The following LRMDA variants were observed in gnomAD, a reference collection of about 807,000 sequenced individuals.
The protein encoded by LRMDA is leucine rich melanocyte differentiation associated.
Under a neutral mutation model 29.8 loss-of-function variants are expected in LRMDA, and 18 were observed. The ratio of observed to expected loss-of-function variants is 0.60; its 90% confidence interval spans 0.42 to 0.90. The LOEUF (loss-of-function observed/expected upper bound fraction) is 0.90, where lower values mean the gene tolerates loss of function less well. Among genes scored for constraint, LRMDA ranks in the 40% least tolerant of loss-of-function variants. The pLI is 0.00. For synonymous variants in LRMDA, 125 were observed against 109.4 expected, an observed-to-expected ratio of 1.14 and a Z score of -0.89; for missense variants, 273 against 273.9, an observed-to-expected ratio of 1.00 and a Z score of 0.02.
chr10:76,047,497 T>C (rs1848460763), intron 4 of LRMDA, among the ~76,000 whole-genome samples, 194 bp downstream of exon 4: 1 of 152,230 alleles, frequency 6.6e-6, no homozygotes, highest in Non-Finnish European at 1.5e-5. Flanking sequence ...CTAAGAAAGA[T>C]GAAAAGTTAT....
intron 6 of LRMDA, among the ~76,000 whole-genome samples, chr10:76,417,914 A>T (rs1842033735): frequency 2.6e-5 from 4 of 152,164 alleles, no homozygotes; most frequent in Admixed American, 2.6e-4. Flanking sequence ...ATCTGAAAAG[A>T]CCTGACATTC....
intron 6 of LRMDA, among the ~76,000 whole-genome samples, chr10:76,524,125 C>A (rs951048225): frequency 2.0e-5 from 3 of 152,126 alleles, no homozygotes; most frequent in African/African-American, 4.8e-5. Context: ...CAGAGGGAAC[C>A]GGGAGGTTTG....
intron 6 of LRMDA, among the ~76,000 whole-genome samples, chr10:76,451,887 C>A (rs1027736856): frequency 1.3e-5 from 2 of 151,700 alleles, no homozygotes; most frequent in Non-Finnish European, 2.9e-5. Context: ...GATCTCCCGA[C>A]CTCAGGTGAT....
chr10:76,449,032 T>G (rs1360201951), intron 6 of LRMDA, among the ~76,000 whole-genome samples: 1 of 151,976 alleles, frequency 6.6e-6, no homozygotes, highest in Non-Finnish European at 1.5e-5. Flanking sequence ...TTTATTAAAT[T>G]GAAGTTTGAG....
intron 6 of LRMDA, among the ~76,000 whole-genome samples, chr10:76,431,229 T>A (rs978867610): frequency 6.6e-6 from 1 of 152,164 alleles, no homozygotes; most frequent in Non-Finnish European, 1.5e-5. Context: ...AACTAGGTGC[T>A]TGGGGAGTGA....
intron 2 of LRMDA, among the ~76,000 whole-genome samples, chr10:75,589,978 CT>C (rs2132083132): frequency 6.7e-6 from 1 of 148,590 alleles, no homozygotes; most frequent in Non-Finnish European, 1.5e-5. Flanking sequence ...GCTTTATTTT[CT>C]GATTTGTCAT....
intron 2 of LRMDA, among the ~76,000 whole-genome samples, chr10:75,892,732 C>A (rs535087207): frequency 6.6e-6 from 1 of 152,180 alleles, no homozygotes; most frequent in Admixed American, 6.5e-5. Context: ...AGGCCTCAGA[C>A]AAATTCCATG....
At chr10:75,834,885 G>A (rs769248253) in intron 2 of LRMDA, among the ~76,000 whole-genome samples, 6 of 152,228 alleles carry the variant, frequency 3.9e-5, no homozygotes, top group Admixed American at 6.5e-5. Context: ...CTTCACCAGC[G>A]GAGTCATTCA....
chr10:76,167,911 G>C (rs1850769791), intron 5 of LRMDA, among the ~76,000 whole-genome samples: 1 of 152,020 alleles, frequency 6.6e-6, no homozygotes, highest in Non-Finnish European at 1.5e-5. Context: ...CCATTTGTTT[G>C]TGTCATTTCT....
chr10:75,939,029 C>T (rs1188239172), intron 2 of LRMDA, among the ~76,000 whole-genome samples: 1 of 152,178 alleles, frequency 6.6e-6, no homozygotes, highest in Non-Finnish European at 1.5e-5. Context: ...GGCATGAAAT[C>T]CCAGGGTGGC....
At chr10:75,730,750 T>A (rs775682393) in intron 2 of LRMDA, among the ~76,000 whole-genome samples, 2 of 152,240 alleles carry the variant, frequency 1.3e-5, no homozygotes, top group Non-Finnish European at 2.9e-5. Context: ...CAAACTTTCC[T>A]TTGGCACCTT....
At chr10:75,560,013 T>C (rs1393082785) in intron 2 of LRMDA, among the ~76,000 whole-genome samples, 5 of 151,068 alleles carry the variant, frequency 3.3e-5, no homozygotes, top group Admixed American at 6.7e-5. Context: ...CTTGGCGATG[T>C]GGGCTCTTTT....
intron 2 of LRMDA, among the ~76,000 whole-genome samples, chr10:75,752,589 A>G (rs1842982075): frequency 6.6e-6 from 1 of 152,222 alleles, no homozygotes; most frequent in African/African-American, 2.4e-5. Flanking sequence ...GTATGGTGAC[A>G]TCATGAAGGT....
At chr10:75,656,999 A>T (rs1841684394) in intron 2 of LRMDA, among the ~76,000 whole-genome samples, 2 of 152,198 alleles carry the variant, frequency 1.3e-5, no homozygotes, top group Admixed American at 1.3e-4. Context: ...AGCCCGAGAG[A>T]CAATAAAATG....
At chr10:76,419,452 T>C (rs2132518659) in intron 6 of LRMDA, among the ~76,000 whole-genome samples, 1 of 152,236 alleles carries the variant, frequency 6.6e-6, no homozygotes, top group Middle Eastern at 3.4e-3. Flanking sequence ...TAACATTCAT[T>C]GTCTGGATGT....
chr10:75,770,720 G>A (rs1454370795), intron 2 of LRMDA, among the ~76,000 whole-genome samples: 2 of 152,240 alleles, frequency 1.3e-5, no homozygotes, highest in Non-Finnish European at 2.9e-5. Context: ...ATGGGTGGGT[G>A]AAGTGAGGCT....
intron 2 of LRMDA, among the ~76,000 whole-genome samples, chr10:75,908,886 T>G (rs1845800219): frequency 6.6e-6 from 1 of 152,196 alleles, no homozygotes; most frequent in Non-Finnish European, 1.5e-5. Context: ...AGCCATGTAC[T>G]GAACATCAAG....
intron 2 of LRMDA, among the ~76,000 whole-genome samples, chr10:75,492,777 A>G (rs1304055755): frequency 3.9e-5 from 6 of 152,216 alleles, no homozygotes; most frequent in Non-Finnish European, 8.8e-5. Context: ...TACCAAAAAT[A>G]TTTTTGATAC....
intron 2 of LRMDA, among the ~76,000 whole-genome samples, chr10:75,640,795 A>C (rs574806508): frequency 6.6e-6 from 1 of 152,316 alleles, no homozygotes; most frequent in Admixed American, 6.5e-5. Flanking sequence ...AAAACAAAAC[A>C]AAACAAAAAC....
Sources: allele counts gnomAD v4.1 joint callset (sites outside exome capture counted in the v4.1 genomes callset), GRCh38; gene constraint gnomAD v4.1.1; transcripts MANE v1.5; gene names NCBI Gene and HGNC (gene_info 2026-07-23, HGNC 2026-07-21).